Variants in SYT17 observed in about 807,000 individuals in gnomAD.
The protein encoded by SYT17 is synaptotagmin 17, also known as synaptotagmin-17.
Under a neutral mutation model 46.7 loss-of-function variants are expected in SYT17, and 22 were observed. That is an observed-to-expected ratio of 0.47 (90% CI 0.34 to 0.67). The LOEUF (loss-of-function observed/expected upper bound fraction) is 0.67, where lower values mean the gene tolerates loss of function less well. SYT17 is among the 30% of genes least tolerant of loss of function. SYT17 has a pLI of 0.01. For synonymous variants in SYT17, 251 were observed against 248.4 expected, an observed-to-expected ratio of 1.01 and a Z score of -0.10; for missense variants, 519 against 612.8, an observed-to-expected ratio of 0.85 and a Z score of 1.62.
chr16:19,222,602 G>A (rs1966361551), intron 5 of SYT17, among the ~76,000 whole-genome samples: 1 of 152,132 alleles, frequency 6.6e-6, no homozygotes, highest in South Asian at 2.1e-4. Context: ...CAGAGTATCT[G>A]GAACCAAATC....
chr16:19,180,590 C>T (rs759584299), intron 4 of SYT17, 51 bp downstream of exon 4: 10 of 1,607,526 alleles, frequency 6.2e-6, no homozygotes, highest in Non-Finnish European at 7.6e-6. Context: ...CTTTCCCAGA[C>T]ACTCTCCCAC....
intron 7 of SYT17, among the ~76,000 whole-genome samples, chr16:19,232,873 AG>A (rs1966754984): frequency 6.7e-6 from 1 of 148,772 alleles, no homozygotes; most frequent in Non-Finnish European, 1.5e-5. Context: ...CAAACTCTCT[AG>A]CACTGGTCCC....
intron 5 of SYT17, among the ~76,000 whole-genome samples, chr16:19,209,401 C>T (rs117313592): frequency 1.3e-5 from 2 of 152,120 alleles, no homozygotes; most frequent in Non-Finnish European, 1.5e-5. Flanking sequence ...GCTGATAACA[C>T]AACAAGGTGC....
At chr16:19,238,946 C>G (rs1966896270) in intron 7 of SYT17, among the ~76,000 whole-genome samples, 1 of 152,222 alleles carries the variant, frequency 6.6e-6, no homozygotes, top group Admixed American at 6.5e-5. Context: ...ACTTTCCCAA[C>G]CCAGAGCTGC....
intron 7 of SYT17, among the ~76,000 whole-genome samples, chr16:19,254,659 C>G (rs724307): frequency 6.6e-6 from 1 of 151,952 alleles, no homozygotes; most frequent in Non-Finnish European, 1.5e-5. Flanking sequence ...AATATTGTAA[C>G]TAGCTCTGTA....
intron 5 of SYT17, 84 bp from the exon 6 acceptor site, chr16:19,222,961 G>A: frequency 6.4e-7 from 1 of 1,573,522 alleles, no homozygotes; most frequent in Non-Finnish European, 8.7e-7. Context: ...CTGTTTGTGA[G>A]CTGCTGCAAT....
At chr16:19,175,432 C>T (rs1964274946) in intron 3 of SYT17, among the ~76,000 whole-genome samples, 1 of 151,576 alleles carries the variant, frequency 6.6e-6, no homozygotes, top group African/African-American at 2.4e-5. Context: ...GGTGGGAGGA[C>T]TGCTTGAGGT....
At position 19,268,041 on chromosome 16, in the gene SYT17, G is replaced by A. The variant is rs760188589; in HGVS notation, c.*965G>A. ...CCGAATCATGGTGATTGTGACCCAC[G>A]AAAGACATACAAAGACTTGATATAT... On this transcript the variant is annotated 3_prime_UTR_variant, in exon 8 of 8. Coordinates refer to ENST00000355377, the MANE Select transcript of SYT17 (RefSeq NM_016524.4). The A allele has an allele frequency of 2.6e-5, 4 of 151,648 alleles. No individual in the cohort carries two copies. The highest frequency in any genetic ancestry group is 9.7e-5 in the African/African-American group (4 of 41,296). The allele number at this position is 151,648 out of a possible 1,614,324, so 9.4% of individuals were successfully genotyped here.
chr16:19,207,448 G>C (rs909438516), intron 5 of SYT17, among the ~76,000 whole-genome samples: 6 of 152,108 alleles, frequency 3.9e-5, no homozygotes, highest in Non-Finnish European at 7.3e-5. Context: ...TGGCTGGGGA[G>C]GCCTCAGGAA....
At position 19,184,101 on chromosome 16, in the gene SYT17, T is replaced by TG. The variant is rs781509369; in HGVS notation, c.907dup (p.Val303GlyfsTer17). 1.9e-6 allele frequency: 3 copies of TG among 1,614,212 alleles called. No homozygotes were observed. Among genetic ancestry groups the TG allele is most frequent in the Non-Finnish European group, 2.5e-6 (3 of 1,180,036 alleles). The stretch of plus-strand genomic sequence containing the variant: ...TCTGTGCCTTTGTGTGAAGTTGACC[T>TG]GGTCAAGGGCGGGCACTGGTGGAAG... On this transcript the variant is annotated frameshift_variant, in exon 5 of 8. Transcript: ENST00000355377. LOFTEE classifies it high-confidence loss of function.
At chr16:19,209,345 T>A (rs1437387879) in intron 5 of SYT17, among the ~76,000 whole-genome samples, 1 of 152,042 alleles carries the variant, frequency 6.6e-6, no homozygotes, top group Non-Finnish European at 1.5e-5. Context: ...TACACAATGA[T>A]CAAAAAGAAA....
At chr16:19,169,601 G>C (rs1401226289) in intron 1 of SYT17, among the ~76,000 whole-genome samples, 1 of 152,178 alleles carries the variant, frequency 6.6e-6, no homozygotes, top group South Asian at 2.1e-4. Flanking sequence ...TCCCCTCATC[G>C]TGTCCTCAGA....
intron 7 of SYT17, among the ~76,000 whole-genome samples, chr16:19,258,461 T>G (rs1968734466): frequency 6.6e-6 from 1 of 151,668 alleles, no homozygotes; most frequent in Admixed American, 6.6e-5. Context: ...GCCAACATGG[T>G]GAAACCCCGT....
At chr16:19,266,548 C>T (rs537135514) in intron 7 of SYT17, among the ~76,000 whole-genome samples, 18 of 152,284 alleles carry the variant, frequency 1.2e-4, no homozygotes, top group Non-Finnish European at 2.2e-4. Flanking sequence ...GTGGTGATGC[C>T]GTGGGACATA....
At chr16:19,233,112 C>T (rs188483013) in intron 7 of SYT17, among the ~76,000 whole-genome samples, 7 of 152,324 alleles carry the variant, frequency 4.6e-5, no homozygotes, top group Admixed American at 2.6e-4. Flanking sequence ...ACCTCCCTCT[C>T]GCCCTGCTGT....
chr16:19,173,011 G>A, intron 2 of SYT17: 1 of 590,846 alleles, frequency 1.7e-6, no homozygotes, highest in Non-Finnish European at 2.9e-6. Context: ...GATTATCTCT[G>A]TCTGTTTCAT....
chr16:19,192,785 CG>C (rs1260793535), intron 5 of SYT17, among the ~76,000 whole-genome samples: 1 of 152,048 alleles, frequency 6.6e-6, no homozygotes, highest in African/African-American at 2.4e-5. Context: ...TCAAACAGTG[CG>C]GGGTCGGTTG....
chr16:19,169,424 A>G (rs1470872843), intron 1 of SYT17, among the ~76,000 whole-genome samples: 1 of 152,202 alleles, frequency 6.6e-6, no homozygotes, highest in Non-Finnish European at 1.5e-5. Context: ...AAGCAGGCAG[A>G]CCCGCAGTGA....
At chr16:19,255,649 G>A (rs1300044859) in intron 7 of SYT17, among the ~76,000 whole-genome samples, 1 of 152,108 alleles carries the variant, frequency 6.6e-6, no homozygotes, top group African/African-American at 2.4e-5. Flanking sequence ...GCTGGGCGTG[G>A]TGAGGTGCCC....
Sources: gnomAD v4.1 joint callset for allele counts (sites outside exome capture counted in the v4.1 genomes callset) on GRCh38, gnomAD v4.1.1 for gene constraint, MANE v1.5 for transcripts, NCBI Gene and HGNC (gene_info 2026-07-23, HGNC 2026-07-21) for gene names.